Variants in TTC39A observed in about 807,000 individuals in gnomAD.
TTC39A encodes the protein tetratricopeptide repeat domain 39A.
Under a neutral mutation model 82.3 loss-of-function variants are expected in TTC39A, and 46 were observed. The ratio of observed to expected loss-of-function variants is 0.56; its 90% CI spans 0.44 to 0.71. The LOEUF is 0.71. TTC39A is among the 30% of genes least tolerant of loss of function. TTC39A has a pLI of 0.00. For missense variants in TTC39A, 543 were observed against 712.9 expected, an observed-to-expected ratio of 0.76 and a Z score of 2.71; for synonymous variants, 254 against 275.2, an observed-to-expected ratio of 0.92 and a Z score of 0.76.
intron 11 of TTC39A, chr1:51,302,106 C>T: frequency 4.1e-6 from 3 of 723,342 alleles, no homozygotes; most frequent in Non-Finnish European, 7.7e-6. Flanking sequence ...CACCTCCCTC[C>T]ACTGCAATGC....
In TTC39A at chr1:51,321,829, G is replaced by A; in HGVS notation, c.42-4C>T. The A allele has an allele frequency of 6.2e-7, 1 of 1,612,506 alleles. No homozygotes were observed. The highest frequency in any genetic ancestry group is 1.1e-5 in the South Asian group (1 of 90,686). On this transcript the variant is annotated splice_region_variant and splice_polypyrimidine_tract_variant and intron_variant, in intron 1 of 17. Transcript: ENST00000680483. The surrounding 1 kb of genome is among the most constrained non-coding windows in gnomAD (Gnocchi z 4.6). ...ATGGAGGCTGCTCTCAGGAGTCCTGGGGGAAGAGATGCGGGGCATGACACA... is the reference window on the plus strand; with the variant it reads ...ATGGAGGCTGCTCTCAGGAGTCCTGAGGGAAGAGATGCGGGGCATGACACA...
At chr1:51,290,809 T>C (rs768570408) in intron 14 of TTC39A, among the ~76,000 whole-genome samples, 184 bp from the exon 15 acceptor site, 8 of 152,208 alleles carry the variant, frequency 5.3e-5, no homozygotes, top group Non-Finnish European at 8.8e-5. Flanking sequence ...AGCCTTATCA[T>C]TGATTTCCTC....
chr1:51,309,202 A>T, intron 6 of TTC39A, 59 bp downstream of exon 6: 1 of 1,530,098 alleles, frequency 6.5e-7, no homozygotes, highest in South Asian at 1.3e-5. Context: ...TGAGGGGGAC[A>T]GCCTAGCAGA....
At chr1:51,295,703 CAG>C (rs1644389232) in intron 13 of TTC39A, 1 of 246,382 alleles carries the variant, frequency 4.1e-6, no homozygotes, top group African/African-American at 2.2e-5. Flanking sequence ...TTCCGACTGT[CAG>C]CTCTCTACTG....
chr1:51,340,637 A>C (rs1646022955), intron 1 of TTC39A, among the ~76,000 whole-genome samples: 1 of 152,186 alleles, frequency 6.6e-6, no homozygotes, highest in African/African-American at 2.4e-5. Flanking sequence ...CAGTCAGAGT[A>C]GTCTCCTGAG....
intron 6 of TTC39A, 89 bp downstream of exon 6, chr1:51,309,172 T>C: frequency 6.7e-7 from 1 of 1,497,090 alleles, no homozygotes; most frequent in Non-Finnish European, 9.0e-7. Flanking sequence ...TTAGTACTCT[T>C]CTTCTCCCAC....
intron 2 of TTC39A, among the ~76,000 whole-genome samples, chr1:51,318,264 C>T (rs766989758): frequency 2.6e-5 from 4 of 152,000 alleles, no homozygotes; most frequent in Non-Finnish European, 4.4e-5. Context: ...GGTCCAGGCT[C>T]GAGTGAGTGA....
intron 2 of TTC39A, among the ~76,000 whole-genome samples, chr1:51,314,307 C>T (rs983618771): frequency 1.1e-4 from 17 of 152,086 alleles, no homozygotes; most frequent in African/African-American, 4.1e-4. Context: ...AAAATGGGGA[C>T]GATAATGCCA....
chr1:51,322,204 A>G, intron 1 of TTC39A: 1 of 1,527,778 alleles, frequency 6.5e-7, no homozygotes, highest in Non-Finnish European at 8.8e-7. Context: ...CAGCCACTAA[A>G]TCCCACAGCC....
At chr1:51,296,473 C>T (rs1644432462) in intron 12 of TTC39A, among the ~76,000 whole-genome samples, 1 of 152,252 alleles carries the variant, frequency 6.6e-6, no homozygotes, top group African/African-American at 2.4e-5. Flanking sequence ...CTCGGGGCTT[C>T]CGGGAAGCAA....
chr1:51,318,092 A>G (rs1255784055), intron 2 of TTC39A, among the ~76,000 whole-genome samples: 1 of 152,214 alleles, frequency 6.6e-6, no homozygotes, highest in Admixed American at 6.5e-5. Flanking sequence ...GTTGGCCCCA[A>G]GTCTGCAGGA....
chr1:51,343,978 G>A (rs1278937813), intron 1 of TTC39A, among the ~76,000 whole-genome samples: 1 of 152,182 alleles, frequency 6.6e-6, no homozygotes, highest in Non-Finnish European at 1.5e-5. Flanking sequence ...GGGAGAGACA[G>A]GAGGAGCTGG....
At position 51,296,004 on chromosome 1, in the gene TTC39A, G is replaced by A. The variant is rs746938361; in HGVS notation, c.1145+75C>T. On this transcript the variant is annotated intron_variant, in intron 13 of 17. Transcript: ENST00000680483. ...CTCCCCAGTGCCCACAGCTCAGGGT[G>A]GCCTGGCTGGTCTGTCCATAGCGGC... is the stretch of plus-strand genomic sequence containing the variant. 1.5e-5 allele frequency: 22 copies of A among 1,494,764 alleles called. No homozygotes were observed. In the Admixed American group the frequency reaches 4.1e-4, roughly 28 times the overall value. 92.6% of individuals were successfully genotyped at this position (1,494,764 alleles called of 1,614,324 possible).
intron 9 of TTC39A, 46 bp downstream of exon 9, chr1:51,303,038 T>G: frequency 6.6e-7 from 1 of 1,515,578 alleles, no homozygotes. Flanking sequence ...CCTTCCCCCT[T>G]GGAGACGACC....
upstream of TTC39A, among the ~76,000 whole-genome samples, chr1:51,335,790 A>C (rs1645967384): frequency 6.6e-6 from 1 of 152,096 alleles, no homozygotes; most frequent in Non-Finnish European, 1.5e-5. Context: ...GGTCATAGAA[A>C]TGGGGGATGC....
At chr1:51,324,395 T>C (rs974520937) in intron 1 of TTC39A, among the ~76,000 whole-genome samples, 1 of 152,170 alleles carries the variant, frequency 6.6e-6, no homozygotes, top group Non-Finnish European at 1.5e-5. Context: ...ATTTCTGAAA[T>C]GTGTAAATAG....
chr1:51,337,424 A>AT (rs1017474435), intron 1 of TTC39A, among the ~76,000 whole-genome samples: 3,726 of 132,094 alleles, frequency 0.028, 123 homozygotes, highest in African/African-American at 0.068. Flanking sequence ...ATTCTGTTTA[A>AT]TTTTTTTTTT....
chr1:51,327,217 G>A (rs759762486), intron 1 of TTC39A, among the ~76,000 whole-genome samples: 1 of 152,188 alleles, frequency 6.6e-6, no homozygotes, highest in African/African-American at 2.4e-5. Context: ...AGGTGGGTGT[G>A]GGGTGGGTGA....
At position 51,290,065 on chromosome 1, in the gene TTC39A, C is replaced by T; in HGVS notation, c.1433G>A (p.Cys478Tyr). 5.6e-6 allele frequency: 9 copies of T among 1,614,012 alleles called. No individual in the cohort carries two copies. The highest frequency in any genetic ancestry group is 7.6e-6 in the Non-Finnish European group (9 of 1,179,894). The change falls in exon 16 of 18, where the codon TGT becomes TAT. Residue 478 changes from cysteine to tyrosine, a missense_variant. Cys to Tyr is a radical substitution (Grantham distance 194). Transcript: ENST00000680483. ...CTGGACACGGCCCAGGTATTTCAGA[C>T]ACAGGCCTTTCAACAATTTCACCAA... ...ECLVKLLKGLCLKYLGRVQEA... is the reference protein window; with the variant it reads ...ECLVKLLKGLYLKYLGRVQEA...
Sources: allele counts gnomAD v4.1 joint callset (sites outside exome capture counted in the v4.1 genomes callset), GRCh38; gene constraint gnomAD v4.1.1; non-coding constraint Gnocchi (gnomAD v3.1); transcripts MANE v1.5; gene names NCBI Gene and HGNC (gene_info 2026-07-23, HGNC 2026-07-21).